Variants in ODAD2 observed in about 807,000 individuals in gnomAD.
ODAD2 encodes outer dynein arm docking complex subunit 2, also known as outer dynein arm-docking complex subunit 2.
A neutral mutation model predicts 106.8 loss-of-function variants in ODAD2; 89 were observed. The observed-to-expected ratio is 0.83, with a 90% confidence interval of 0.70 to 0.99. The LOEUF is 0.99. Among genes scored for constraint, ODAD2 ranks in the 50% least tolerant of loss-of-function variants. ODAD2 has a pLI of 0.00. For synonymous variants in ODAD2, 404 were observed against 436.2 expected (o/e 0.93, Z 0.92); for missense variants, 1,168 against 1,238.5 (o/e 0.94, Z 0.85).
At position 27,812,544 on chromosome 10, in the gene ODAD2, C is replaced by T. The variant is rs1025464178; in HGVS notation, c.3103G>A (p.Ala1035Thr). Residue 1035 changes from alanine (A) to threonine (T), a missense_variant, in exon 20 of 20, where the codon GCT becomes ACT. This residue lies in a region of ODAD2 where 701 missense variants were observed against 712.3 expected (regional missense o/e 0.98). Transcript: ENST00000305242. Reference protein sequence around the residue: ...AGCISNIRRLALATEKARYT With the variant: ...AGCISNIRRLTLATEKARYT ...TATCTTGCCTTCTCTGTAGCAAGAG[C>T]CAGCCTGCGGATATTGGATATACAA... 1.9e-6 allele frequency: 3 copies of T among 1,613,014 alleles called. No individual in the cohort carries two copies. In the Admixed American group the frequency reaches 5.0e-5, roughly 27 times the overall value.
At chr10:27,844,812 A>G (rs1398239463) in intron 19 of ODAD2, among the ~76,000 whole-genome samples, 2 of 152,166 alleles carry the variant, frequency 1.3e-5, no homozygotes. Context: ...ATTTCTTCTC[A>G]CTTGTAGCTC....
At chr10:27,902,475 G>A (rs1378895954) in intron 17 of ODAD2, among the ~76,000 whole-genome samples, 1 of 151,888 alleles carries the variant, frequency 6.6e-6, no homozygotes, top group African/African-American at 2.4e-5. Context: ...GATAGAGACA[G>A]GAAAAACTCT....
At chr10:27,815,723 A>G (rs1017296474) in intron 19 of ODAD2, among the ~76,000 whole-genome samples, 1 of 152,118 alleles carries the variant, frequency 6.6e-6, no homozygotes, top group Non-Finnish European at 1.5e-5. Context: ...AGTTCATCAG[A>G]ACAAATTCCC....
chr10:27,910,756 C>CA (rs1289743032), intron 16 of ODAD2, among the ~76,000 whole-genome samples: 7 of 151,604 alleles, frequency 4.6e-5, no homozygotes, highest in Admixed American at 3.9e-4. Flanking sequence ...GACCCTGTCT[C>CA]AAAAAAACAA....
At chr10:27,816,034 C>T (rs1442497173) in intron 19 of ODAD2, among the ~76,000 whole-genome samples, 7 of 152,284 alleles carry the variant, frequency 4.6e-5, no homozygotes, top group East Asian at 3.9e-4. Context: ...CGGAAATCTG[C>T]GTGCCTCACA....
At chr10:27,963,305 C>A (rs896187419) in intron 9 of ODAD2, among the ~76,000 whole-genome samples, 11 of 152,156 alleles carry the variant, frequency 7.2e-5, no homozygotes, top group African/African-American at 2.7e-4. Flanking sequence ...CTGCACCCGG[C>A]CTGTCCCAGG....
intron 17 of ODAD2, among the ~76,000 whole-genome samples, chr10:27,872,273 T>C (rs1840956055): frequency 6.6e-6 from 1 of 152,112 alleles, no homozygotes. Context: ...CCTGGGGCTT[T>C]CTAGATACAC....
intron 7 of ODAD2, among the ~76,000 whole-genome samples, chr10:27,977,400 TAA>T (rs35313855): frequency 1.2e-4 from 16 of 135,818 alleles, no homozygotes; most frequent in African/African-American, 2.4e-4. Flanking sequence ...CCATTTCTGC[TAA>T]AAAAAAAAAA....
chr10:27,987,244 A>G (rs1168383557), intron 3 of ODAD2, 142 bp downstream of exon 3: 3 of 658,230 alleles, frequency 4.6e-6, no homozygotes, highest in African/African-American at 3.6e-5. Flanking sequence ...ATTTTCATGA[A>G]GTTGTACATT....
chr10:27,814,056 G>A (rs1027502075), intron 19 of ODAD2, among the ~76,000 whole-genome samples: 2 of 152,092 alleles, frequency 1.3e-5, no homozygotes, highest in African/African-American at 2.4e-5. Context: ...TTCTTGGTTC[G>A]ACTAAAGACA....
At position 27,969,965 on chromosome 10, in the gene ODAD2, C is replaced by T. The variant is rs376828578; in HGVS notation, c.1143-947G>A. On this transcript the variant is annotated intron_variant, in intron 8 of 19. Transcript: ENST00000305242. ...TACTAAAAATACAAAAATTAGCCAG[C>T]CGTGGTGTCACACACCTGTAATCCC... Among the ~76,000 whole-genome samples, 9 of 151,806 alleles carry T rather than the reference C, an allele frequency of 5.9e-5. No individual in the cohort carries two copies. In the East Asian group the frequency reaches 1.4e-3, roughly 23 times the overall value.
chr10:27,928,877 C>T (rs1254812741), intron 16 of ODAD2, among the ~76,000 whole-genome samples: 5 of 152,094 alleles, frequency 3.3e-5, no homozygotes, highest in Non-Finnish European at 5.9e-5. Context: ...ATCTCAACAA[C>T]CCAATGACAT....
rs556042155 is a variant in ODAD2, at chr10:27,856,843, T to C, written c.3021+3782A>G. Among the ~76,000 whole-genome samples, 38 of 152,196 alleles carry C rather than the reference T, an allele frequency of 2.5e-4. No individual in the cohort carries two copies. The East Asian group carries it at 6.9e-3, about 28-fold the overall frequency. On this transcript the variant is annotated intron_variant, in intron 19 of 19. Transcript: ENST00000305242. ...TTAGTCGGGCATCATGGCGGGTGCC[T>C]GTAATCCCAGCTACTCAGGAGGCTG...
At chr10:27,940,335 T>A (rs1159658648) in intron 13 of ODAD2, among the ~76,000 whole-genome samples, 1 of 152,044 alleles carries the variant, frequency 6.6e-6, no homozygotes, top group East Asian at 1.9e-4. Flanking sequence ...GTGAGATTTA[T>A]ATAAATGTCA....
At chr10:27,963,935 A>G (rs1848324705) in intron 9 of ODAD2, among the ~76,000 whole-genome samples, 1 of 152,068 alleles carries the variant, frequency 6.6e-6, no homozygotes. Context: ...GTTAAAAATA[A>G]TTTGGGCCGG....
At chr10:27,916,078 G>A (rs539674836) in intron 16 of ODAD2, among the ~76,000 whole-genome samples, 4 of 152,218 alleles carry the variant, frequency 2.6e-5, no homozygotes, top group African/African-American at 9.6e-5. Context: ...GCAACCCAAC[G>A]CGGGAAGTCA....
At chr10:27,882,308 T>C (rs892765217) in intron 17 of ODAD2, among the ~76,000 whole-genome samples, 1 of 152,184 alleles carries the variant, frequency 6.6e-6, no homozygotes, top group African/African-American at 2.4e-5. Flanking sequence ...AAATTTTTTT[T>C]TAAGCTCTGA....
At chr10:27,982,374 A>G (rs530357591) in intron 6 of ODAD2, among the ~76,000 whole-genome samples, 1 of 152,256 alleles carries the variant, frequency 6.6e-6, no homozygotes, top group African/African-American at 2.4e-5. Flanking sequence ...CTCCATGCTA[A>G]ATAAGTTATA....
chr10:27,844,810 T>C (rs1043501053), intron 19 of ODAD2, among the ~76,000 whole-genome samples: 19 of 152,218 alleles, frequency 1.2e-4, no homozygotes, highest in African/African-American at 4.6e-4. Flanking sequence ...TCATTTCTTC[T>C]CACTTGTAGC....
Sources: allele counts gnomAD v4.1 joint callset (sites outside exome capture counted in the v4.1 genomes callset), GRCh38; gene constraint gnomAD v4.1.1; regional missense constraint gnomAD v4.1.1; transcripts MANE v1.5; gene names NCBI Gene and HGNC (gene_info 2026-07-23, HGNC 2026-07-21).